The following PLCE1 variants were observed in gnomAD, a reference collection of about 807,000 sequenced individuals.
PLCE1 encodes the protein phospholipase C epsilon 1, also known as 1-phosphatidylinositol 4,5-bisphosphate phosphodiesterase epsilon-1.
In PLCE1, 119 loss-of-function variants were observed where a neutral mutation model predicts 242.8. The ratio of observed to expected loss-of-function variants is 0.49; its 90% CI spans 0.42 to 0.57. The LOEUF is 0.57. Ranked by LOEUF, PLCE1 falls within the 20% of genes least tolerant of loss-of-function variation. The pLI is 0.00. For missense variants in PLCE1, 2,441 were observed against 2,788.8 expected (o/e 0.88, Z 2.81); for synonymous variants, 945 against 1,017.4 (o/e 0.93, Z 1.35).
At chr10:94,096,368 T>G (rs2045308514) in intron 2 of PLCE1, 1 of 152,232 alleles carries the variant, frequency 6.6e-6, no homozygotes, top group Admixed American at 6.5e-5. Context: ...GAAAGAGATT[T>G]AATTGACTCA....
chr10:94,181,508 G>A (rs189858934), intron 4 of PLCE1, among the ~76,000 whole-genome samples: 257 of 151,276 alleles, frequency 1.7e-3, no homozygotes, highest in Middle Eastern at 3.4e-3. Context: ...CCCAGGAGGC[G>A]GAGCTTGCAG....
chr10:94,125,002 C>T (rs547098450), intron 2 of PLCE1, among the ~76,000 whole-genome samples: 6 of 152,216 alleles, frequency 3.9e-5, no homozygotes, highest in African/African-American at 9.6e-5. Context: ...AGTAGAATGT[C>T]GCCTGTGGTT....
intron 22 of PLCE1, among the ~76,000 whole-genome samples, chr10:94,288,598 A>G (rs1268367825): frequency 6.6e-6 from 1 of 152,122 alleles, no homozygotes; most frequent in Non-Finnish European, 1.5e-5. Context: ...AAGGCAGGCA[A>G]TTCAGGAGCA....
chr10:94,327,663 A>T (rs2054078090), intron 32 of PLCE1, among the ~76,000 whole-genome samples: 2 of 152,214 alleles, frequency 1.3e-5, no homozygotes, highest in Non-Finnish European at 2.9e-5. Context: ...CATCTATCTG[A>T]AGTAGTAGTT....
chr10:94,136,592 T>C (rs968709371), intron 3 of PLCE1, among the ~76,000 whole-genome samples: 1 of 152,128 alleles, frequency 6.6e-6, no homozygotes, highest in Non-Finnish European at 1.5e-5. Flanking sequence ...AACAAGTTGA[T>C]CGTTATTCAC....
At chr10:94,044,943 T>C (rs1391289567) in intron 2 of PLCE1, among the ~76,000 whole-genome samples, 1 of 152,202 alleles carries the variant, frequency 6.6e-6, no homozygotes, top group Non-Finnish European at 1.5e-5. Flanking sequence ...AAATAATTAT[T>C]TGGTAACTTT....
rs1368392072 is a variant in PLCE1, at chr10:94,228,275, G to A, written c.1955+824G>A. On this transcript the variant is annotated intron_variant, in intron 5 of 32. Coordinates refer to ENST00000371380, the MANE Select transcript of PLCE1 (RefSeq NM_016341.4). The stretch of plus-strand genomic sequence containing the variant: ...TGTGGGAGGCAGCATGGTATGTGAG[G>A]AAGAAGAGCATGAGTTCTTAAGTTA... Among the ~76,000 whole-genome samples, 6 of 152,214 alleles carry A rather than the reference G, an allele frequency of 3.9e-5. No individual in the cohort carries two copies. The East Asian group carries it at 9.6e-4, about 24-fold the overall frequency.
At chr10:94,318,918 G>A (rs759603309) in intron 29 of PLCE1, among the ~76,000 whole-genome samples, 3 of 152,116 alleles carry the variant, frequency 2.0e-5, no homozygotes, top group Non-Finnish European at 4.4e-5. Flanking sequence ...CGTGGTAGCA[G>A]GCACCTGTAG....
intron 3 of PLCE1, among the ~76,000 whole-genome samples, chr10:94,149,429 A>G (rs959986733): frequency 6.6e-6 from 1 of 152,194 alleles, no homozygotes; most frequent in East Asian, 1.9e-4. Flanking sequence ...TAAAAACAAC[A>G]GCAATAATAA....
chr10:94,222,076 C>T (rs2049767419), intron 4 of PLCE1, among the ~76,000 whole-genome samples: 1 of 152,080 alleles, frequency 6.6e-6, no homozygotes, highest in Admixed American at 6.6e-5. Context: ...CTGAGCAACT[C>T]CATGCTGGAA....
intron 29 of PLCE1, among the ~76,000 whole-genome samples, chr10:94,320,550 T>C (rs1023931292): frequency 2.0e-4 from 30 of 152,188 alleles, no homozygotes; most frequent in African/African-American, 6.8e-4. Context: ...CAGCAACTCA[T>C]GGATTCTTCT....
intron 4 of PLCE1, among the ~76,000 whole-genome samples, chr10:94,224,842 T>C (rs745771943): frequency 1.3e-5 from 2 of 152,230 alleles, no homozygotes; most frequent in Non-Finnish European, 2.9e-5. Flanking sequence ...AGGACAGGCA[T>C]GGAGACTGTG....
At chr10:94,161,592 C>T (rs893533685) in intron 3 of PLCE1, among the ~76,000 whole-genome samples, 2 of 152,214 alleles carry the variant, frequency 1.3e-5, no homozygotes, top group African/African-American at 4.8e-5. Context: ...ACAATCATGT[C>T]ATCTGCAAAC....
Position 94,328,110 on chromosome 10 carries a change from G to C in PLCE1, c.*167G>C, listed in dbSNP as rs764568175. The C allele has an allele frequency of 2.7e-4, 106 of 396,596 alleles. 2 individuals are homozygous for C. The highest frequency in any genetic ancestry group is 1.6e-3 in the South Asian group (80 of 49,488). The allele number at this position is 396,596 out of a possible 1,614,324, so 24.6% of individuals were successfully genotyped here. A position where few individuals can be genotyped will look rare whatever the true frequency, so the allele number is the denominator to read the frequency against. On this transcript the variant is annotated 3_prime_UTR_variant, in exon 33 of 33. Coordinates refer to ENST00000371380, the MANE Select transcript of PLCE1 (RefSeq NM_016341.4). ...ATCCATGCTGAGGAGAAGCAAAATG[G>C]CACAGGGCTAGTTGCCACCAACCAA...
At chr10:94,076,501 T>G (rs1271187220) in intron 2 of PLCE1, among the ~76,000 whole-genome samples, 3 of 152,148 alleles carry the variant, frequency 2.0e-5, no homozygotes, top group Non-Finnish European at 4.4e-5. Flanking sequence ...GTGCCGCCTT[T>G]TCTGAGCTGT....
At position 94,329,003 on chromosome 10, in the gene PLCE1, C is replaced by T. The variant is rs1309409420; in HGVS notation, c.*1060C>T. On this transcript the variant is annotated 3_prime_UTR_variant, in exon 33 of 33. Coordinates refer to ENST00000371380, the MANE Select transcript of PLCE1 (RefSeq NM_016341.4). Reference sequence around the variant, plus strand: ...ATTTATTTTGCAAGGTTTGTACTGACACTATACTTATATATTTATTATACA... The same window carrying T: ...ATTTATTTTGCAAGGTTTGTACTGATACTATACTTATATATTTATTATACA... The T allele has an allele frequency of 6.6e-6, 1 of 152,278 alleles. No individual in the cohort carries two copies. The highest frequency in any genetic ancestry group is 1.9e-4 in the East Asian group (1 of 5,186). 9.4% of individuals were successfully genotyped at this position (152,278 alleles called of 1,614,324 possible).
chr10:94,239,877 C>T (rs1372818422), intron 7 of PLCE1, among the ~76,000 whole-genome samples: 2 of 152,184 alleles, frequency 1.3e-5, no homozygotes, highest in African/African-American at 4.8e-5. Context: ...CAGTTATTCT[C>T]CACAGGGAAG....
At chr10:94,287,554 C>T (rs766310480) in intron 22 of PLCE1, 2 of 151,932 alleles carry the variant, frequency 1.3e-5, no homozygotes, top group African/African-American at 2.4e-5. Flanking sequence ...ACTTCCCCAC[C>T]ATCAGAAGCT....
chr10:94,295,448 G>A (rs561852918), intron 23 of PLCE1, among the ~76,000 whole-genome samples: 8 of 152,136 alleles, frequency 5.3e-5, no homozygotes, highest in Non-Finnish European at 1.2e-4. Flanking sequence ...CACATCTGCA[G>A]GCTATACTTC....
Sources: allele counts gnomAD v4.1 joint callset (sites outside exome capture counted in the v4.1 genomes callset), GRCh38; gene constraint gnomAD v4.1.1; transcripts MANE v1.5; gene names NCBI Gene and HGNC (gene_info 2026-07-23, HGNC 2026-07-21).